LIFR: variants seen among roughly 807,000 people sequenced by gnomAD.
LIFR encodes the protein LIF receptor subunit alpha.
Under a neutral mutation model 122.2 loss-of-function variants are expected in LIFR, and 84 were observed. That is an observed-to-expected ratio of 0.69 (90% CI 0.58 to 0.82). The LOEUF (loss-of-function observed/expected upper bound fraction) is 0.82, where lower values mean the gene tolerates loss of function less well. Ranked by LOEUF, LIFR falls within the 40% of genes least tolerant of loss-of-function variation. The pLI, the probability that LIFR is intolerant of heterozygous loss-of-function variation, is 0.00. For missense variants in LIFR, 1,294 were observed against 1,311.6 expected (o/e 0.99, Z 0.21); for synonymous variants, 422 against 434.7 (o/e 0.97, Z 0.36).
chr5:38,516,564 T>C (rs552713588), intron 5 of LIFR, among the ~76,000 whole-genome samples: 6 of 152,132 alleles, frequency 3.9e-5, no homozygotes, highest in South Asian at 4.2e-4. Flanking sequence ...ACAACAGATG[T>C]TGGAGAGGAT....
At chr5:38,533,477 T>C (rs756140126) in intron 1 of LIFR, among the ~76,000 whole-genome samples, 12 of 152,230 alleles carry the variant, frequency 7.9e-5, no homozygotes, top group Non-Finnish European at 1.6e-4. Context: ...AAGGCCTTGT[T>C]TGTGAAGATG....
rs1580000924 is a variant in LIFR at position 38,484,962 on chromosome 5, T to C, written c.2498-94A>G. On this transcript the variant is annotated intron_variant, in intron 17 of 19. Transcript: ENST00000453190. Reference sequence around the variant, plus strand: ...AGAAGGTATTTAGGTTGGTAAATTATTTAGGAAAAAAACAAAATTAACTGC... The same window carrying C: ...AGAAGGTATTTAGGTTGGTAAATTACTTAGGAAAAAAACAAAATTAACTGC... The C allele has an allele frequency of 6.7e-6, 6 of 893,860 alleles. No individual in the cohort carries two copies. The East Asian group carries it at 1.6e-4, about 23-fold the overall frequency. 55.4% of individuals were successfully genotyped at this position (893,860 alleles called of 1,614,324 possible). A position where few individuals can be genotyped will look rare whatever the true frequency, so the allele number is the denominator to read the frequency against.
intron 6 of LIFR, among the ~76,000 whole-genome samples, 184 bp from the exon 7 acceptor site, chr5:38,510,902 G>A (rs574950182): frequency 6.6e-6 from 1 of 152,184 alleles, no homozygotes; most frequent in South Asian, 2.1e-4. Flanking sequence ...AGGTTTTGTA[G>A]GAGCAAGATA....
chr5:38,553,636 A>ATATATAT (rs1748334892), intron 1 of LIFR, among the ~76,000 whole-genome samples: 1 of 74,332 alleles, frequency 1.3e-5, no homozygotes, highest in Non-Finnish European at 2.4e-5. Flanking sequence ...ATATATATAT[A>ATATATAT]TATATATATA....
chr5:38,551,730 T>C (rs1320129032), intron 1 of LIFR, among the ~76,000 whole-genome samples: 6 of 152,182 alleles, frequency 3.9e-5, no homozygotes. Context: ...GAAGCCAAGA[T>C]TTTCACCTCT....
chr5:38,485,750 T>A lies in LIFR; in HGVS notation c.2497+69A>T, dbSNP rs986376186. The A allele has an allele frequency of 3.8e-6, 6 of 1,573,214 alleles. No homozygotes were observed. In the African/African-American group the frequency reaches 8.1e-5, roughly 21 times the overall value. ...GAAAGGGCGGGGAGGGGTTCCTACA[T>A]AAACCAAGAATCACTAGAACACTAC... On this transcript the variant is annotated intron_variant, in intron 17 of 19. Coordinates refer to ENST00000453190, the MANE Select transcript of LIFR (RefSeq NM_001127671.2).
intron 12 of LIFR, among the ~76,000 whole-genome samples, chr5:38,498,866 T>C (rs977640936): frequency 6.6e-6 from 1 of 152,168 alleles, no homozygotes. Flanking sequence ...TGTATCGACG[T>C]CAAAAGTTTT....
At chr5:38,499,061 A>G in intron 12 of LIFR, among the ~76,000 whole-genome samples, 1 of 152,232 alleles carries the variant, frequency 6.6e-6, no homozygotes. Context: ...TATGCAATTC[A>G]TATTTCATCT....
At chr5:38,604,738 T>G (rs571599953) in intron 2 of LIFR, among the ~76,000 whole-genome samples, 3 of 152,070 alleles carry the variant, frequency 2.0e-5, no homozygotes, top group East Asian at 3.9e-4. Context: ...TTTATTTTGC[T>G]AAGATGAAGG....
In LIFR at chr5:38,482,082, C is replaced by T. The variant is rs781371324; in HGVS notation, c.2807G>A (p.Arg936His). The change falls in exon 20 of 20, where the codon CGC becomes CAC. Residue 936 changes from arginine (R) to histidine (H), a missense_variant. Transcript: ENST00000453190. ...ISPVAERPED[R>H]SDAEPENHVV... ...ATGGTTTTCAGGCTCTGCATCAGAG[C>T]GATCTTCAGGACGCTCAGCTACTGG... 1.9e-5 allele frequency: 31 copies of T among 1,600,880 alleles called. 1 individual carries two copies. The highest frequency in any genetic ancestry group is 4.5e-5 in the South Asian group (4 of 88,558).
At chr5:38,526,265 A>G (rs181976462) in intron 4 of LIFR, among the ~76,000 whole-genome samples, 56 of 152,306 alleles carry the variant, frequency 3.7e-4, no homozygotes, top group East Asian at 1.5e-3. Context: ...TCCTTAGGAC[A>G]TAAGAAGATA....
intron 1 of LIFR, among the ~76,000 whole-genome samples, chr5:38,551,691 A>G (rs1434759594): frequency 6.6e-6 from 1 of 152,198 alleles, no homozygotes; most frequent in Admixed American, 6.5e-5. Flanking sequence ...CTTTCTCTGT[A>G]TCTGCCTTAC....
chr5:38,565,648 C>T (rs1429370309), intron 1 of LIFR, among the ~76,000 whole-genome samples: 6 of 148,832 alleles, frequency 4.0e-5, no homozygotes, highest in Non-Finnish European at 8.9e-5. Context: ...AGTACAATGG[C>T]GCAGTCTCGG....
chr5:38,498,138 CAG>C (rs914341721), intron 12 of LIFR, among the ~76,000 whole-genome samples: 3 of 152,316 alleles, frequency 2.0e-5, no homozygotes, highest in Non-Finnish European at 4.4e-5. Context: ...TCTGCTCCAG[CAG>C]AGGTCTCTGT....
chr5:38,506,364 A>C (rs1018662551), intron 8 of LIFR, 139 bp downstream of exon 8: 3 of 988,096 alleles, frequency 3.0e-6, no homozygotes, highest in African/African-American at 3.2e-5. Flanking sequence ...TGCAGTGCTT[A>C]TAAGTGTAAT....
At position 38,550,295 on chromosome 5, in the gene LIFR, A is replaced by T. The variant is rs558769805; in HGVS notation, c.-20+6039T>A. 5 of 884,710 alleles carry T rather than the reference A, an allele frequency of 5.7e-6. No individual in the cohort carries two copies. The East Asian group carries it at 6.0e-4, about 106-fold the overall frequency. The allele number at this position is 884,710 out of a possible 1,614,324, so 54.8% of individuals were successfully genotyped here. A position where few individuals can be genotyped will look rare whatever the true frequency, so the allele number is the denominator to read the frequency against. On this transcript the variant is annotated intron_variant, in intron 1 of 19. Coordinates refer to ENST00000453190, the MANE Select transcript of LIFR (RefSeq NM_001127671.2). Reference sequence around the variant, plus strand: ...ATAGCTGAGCTATTGATAAAGCACAACTGAAAAAAAAACAGGGAAAAATTC... The same window carrying T: ...ATAGCTGAGCTATTGATAAAGCACATCTGAAAAAAAAACAGGGAAAAATTC...
chr5:38,522,313 A>G (rs1746446720), intron 5 of LIFR, among the ~76,000 whole-genome samples: 1 of 152,076 alleles, frequency 6.6e-6, no homozygotes, highest in Non-Finnish European at 1.5e-5. Context: ...TGGCTGCCTC[A>G]CTTTCCTCTT....
At chr5:38,556,947 A>G (rs1748610596), upstream of LIFR, 1 of 152,078 alleles carries the variant, frequency 6.6e-6, no homozygotes, top group Non-Finnish European at 1.5e-5. Flanking sequence ...ATCCTCGAGA[A>G]AGGCCGAGTG....
chr5:38,545,787 G>A (rs1457479905), intron 1 of LIFR, among the ~76,000 whole-genome samples: 1 of 150,896 alleles, frequency 6.6e-6, no homozygotes, highest in Non-Finnish European at 1.5e-5. Flanking sequence ...GCGTGAACCC[G>A]GGAGGTGGAC....
Sources: allele counts gnomAD v4.1 joint callset (sites outside exome capture counted in the v4.1 genomes callset), GRCh38; gene constraint gnomAD v4.1.1; transcripts MANE v1.5; gene names NCBI Gene and HGNC (gene_info 2026-07-23, HGNC 2026-07-21).